PPP1R1C: variants seen among roughly 807,000 people sequenced by gnomAD.
The protein encoded by PPP1R1C is protein phosphatase 1 regulatory inhibitor subunit 1C.
PPP1R1C carries 15 observed loss-of-function variants against 17.4 expected under a neutral mutation model. That is an observed-to-expected ratio of 0.86 (90% CI 0.58 to 1.33). The LOEUF is 1.33. Among genes scored for constraint, PPP1R1C ranks in the 40% most tolerant of loss-of-function variants. The pLI is 0.00. For missense variants in PPP1R1C, 143 were observed against 130.0 expected, an observed-to-expected ratio of 1.10 and a Z score of -0.48; for synonymous variants, 35 against 43.1, an observed-to-expected ratio of 0.81 and a Z score of 0.73.
chr2:182,014,735 G>C (rs573143694), intron 2 of PPP1R1C, among the ~76,000 whole-genome samples: 2 of 151,812 alleles, frequency 1.3e-5, no homozygotes, highest in Non-Finnish European at 2.9e-5. Context: ...TTCTACTGTG[G>C]CTGAGCTAGC....
At chr2:182,092,255 C>T (rs571331704) in intron 4 of PPP1R1C, among the ~76,000 whole-genome samples, 3 of 152,258 alleles carry the variant, frequency 2.0e-5, no homozygotes, top group East Asian at 3.9e-4. Context: ...GAGAAACTCC[C>T]ATTTTTAAAA....
intron 5 of PPP1R1C, among the ~76,000 whole-genome samples, chr2:182,128,240 A>T (rs540996066): frequency 7.4e-4 from 113 of 152,226 alleles, no homozygotes; most frequent in African/African-American, 2.3e-3. Flanking sequence ...AAGTAATGAA[A>T]TCATTTCTGA....
At chr2:182,125,008 C>T (rs1323246645) in intron 5 of PPP1R1C, among the ~76,000 whole-genome samples, 1 of 152,038 alleles carries the variant, frequency 6.6e-6, no homozygotes, top group Non-Finnish European at 1.5e-5. Context: ...GAATTTTGCC[C>T]ATTCAGTATG....
At position 181,976,746 on chromosome 2, in the gene PPP1R1C, A is replaced by G. The variant is rs921238890; in HGVS notation, n.157+1482A>G. On this transcript the variant is annotated intron_variant and non_coding_transcript_variant, in intron 2 of 5. Transcript: ENST00000464264. This position sits in a 1 kb window ranked among gnomAD's most constrained non-coding sequence, Gnocchi z 4.8. ...TCTGGTTCATCTATAAAATAAATCT[A>G]AAAAGCTCCACTCCACTCTTGCTCT... 2.0e-5 allele frequency among the ~76,000 whole-genome samples: 3 copies of G among 152,134 alleles called. No homozygotes were observed. Among genetic ancestry groups the G allele is most frequent in the Admixed American group, 6.6e-5 (1 of 15,264 alleles).
At chr2:182,108,352 C>T (rs939511222) in intron 4 of PPP1R1C, among the ~76,000 whole-genome samples, 3 of 152,200 alleles carry the variant, frequency 2.0e-5, no homozygotes, top group Admixed American at 2.0e-4. Flanking sequence ...TTTTCAGACT[C>T]CTGGACAGTC....
At chr2:181,977,450 A>G (rs1299286977) in intron 2 of PPP1R1C, among the ~76,000 whole-genome samples, 1 of 151,708 alleles carries the variant, frequency 6.6e-6, no homozygotes, top group Non-Finnish European at 1.5e-5. Context: ...AGAATTCTAC[A>G]CTTTTTTCTT....
In PPP1R1C at chr2:181,961,674, C is replaced by T. The variant is rs1684796865; in HGVS notation, n.111+7040C>T. On this transcript the variant is annotated intron_variant and non_coding_transcript_variant, in intron 1 of 5. Transcript: ENST00000464264. This position sits in a 1 kb window ranked among gnomAD's most constrained non-coding sequence, Gnocchi z 5.8. ...TCTTCTCAATCTGCTGAGACCAGCACTTGTCCAGCTCCTCTCAGTTCTTTC... is the reference window on the plus strand; with the variant it reads ...TCTTCTCAATCTGCTGAGACCAGCATTTGTCCAGCTCCTCTCAGTTCTTTC... The T allele has an allele frequency of 1.3e-6, 1 of 763,522 alleles. No homozygotes were observed. The highest frequency in any genetic ancestry group is 2.4e-6 in the Non-Finnish European group (1 of 424,140). 47.3% of individuals were successfully genotyped at this position (763,522 alleles called of 1,614,324 possible). A position where few individuals can be genotyped will look rare whatever the true frequency, so the allele number is the denominator to read the frequency against.
At chr2:182,065,040 C>T (rs749549937) in intron 4 of PPP1R1C, among the ~76,000 whole-genome samples, 5 of 151,882 alleles carry the variant, frequency 3.3e-5, no homozygotes, top group South Asian at 4.2e-4. Context: ...TCTCAAGGGC[C>T]GATGATGTTC....
At position 182,117,682 on chromosome 2, in the gene PPP1R1C, T is replaced by C. The variant is rs943561503; in HGVS notation, c.*387T>C. On this transcript the variant is annotated 3_prime_UTR_variant, in exon 5 of 5. Coordinates refer to ENST00000682840, the MANE Select transcript of PPP1R1C (RefSeq NM_001080545.3). ...GAGTAAAAAATAAATAGTAAACACA[T>C]TTAGACATGAGTGTGTGTGTGTGTG... is the stretch of plus-strand genomic sequence containing the variant. 7 of 137,398 alleles carry C rather than the reference T, an allele frequency of 5.1e-5. No individual in the cohort carries two copies. Among genetic ancestry groups the C allele is most frequent in the Non-Finnish European group, 1.0e-4 (7 of 69,314 alleles). The allele number at this position is 137,398 out of a possible 1,614,324, so 8.5% of individuals were successfully genotyped here. A position where few individuals can be genotyped will look rare whatever the true frequency, so the allele number is the denominator to read the frequency against.
chr2:182,064,423 G>A lies in PPP1R1C; in HGVS notation c.241+632G>A, dbSNP rs1332768323. Among the ~76,000 whole-genome samples the A allele has an allele frequency of 2.0e-5, 3 of 152,144 alleles. No homozygotes were observed. In the East Asian group the frequency reaches 5.8e-4, roughly 29 times the overall value. On this transcript the variant is annotated intron_variant, in intron 4 of 4. Transcript: ENST00000682840. Reference sequence around the variant, plus strand: ...CACACTGAAATGTTCTTGATTTGAGGTAGAGTCTGTCCAGTCTACTCTCTC... The same window carrying A: ...CACACTGAAATGTTCTTGATTTGAGATAGAGTCTGTCCAGTCTACTCTCTC...
At chr2:182,088,739 G>A (rs1688700898) in intron 4 of PPP1R1C, among the ~76,000 whole-genome samples, 1 of 152,118 alleles carries the variant, frequency 6.6e-6, no homozygotes, top group African/African-American at 2.4e-5. Context: ...CTACTTCTTA[G>A]TAATGTGTTC....
intron 4 of PPP1R1C, among the ~76,000 whole-genome samples, chr2:182,070,119 G>A (rs925783225): frequency 3.3e-5 from 5 of 152,172 alleles, no homozygotes; most frequent in South Asian, 2.1e-4. Context: ...GAGGAGACTC[G>A]CCACAGGCTT....
chr2:182,106,006 C>A (rs1266692097), intron 4 of PPP1R1C, among the ~76,000 whole-genome samples: 5 of 152,156 alleles, frequency 3.3e-5, no homozygotes, highest in Non-Finnish European at 7.4e-5. Flanking sequence ...CTGTGTCATG[C>A]CTCTCTCCTA....
chr2:182,128,547 C>T (rs1023056417), intron 5 of PPP1R1C, among the ~76,000 whole-genome samples: 3 of 151,922 alleles, frequency 2.0e-5, no homozygotes, highest in South Asian at 2.1e-4. Flanking sequence ...AATATGGGCT[C>T]AGAAGAGAAA....
intron 2 of PPP1R1C, among the ~76,000 whole-genome samples, chr2:182,043,051 T>C (rs550232608): frequency 2.8e-4 from 42 of 152,202 alleles, no homozygotes; most frequent in African/African-American, 9.6e-4. Context: ...ACCAGAAAAA[T>C]TTTTAAAAAA....
At chr2:182,021,696 TGC>T (rs1263497572) in intron 2 of PPP1R1C, among the ~76,000 whole-genome samples, 11 of 152,212 alleles carry the variant, frequency 7.2e-5, no homozygotes, top group Non-Finnish European at 1.5e-4. Flanking sequence ...AATTTCTCTC[TGC>T]CTTTTAAAAA....
chr2:181,991,657 A>T (rs1402240761), intron 2 of PPP1R1C, among the ~76,000 whole-genome samples: 2 of 152,116 alleles, frequency 1.3e-5, no homozygotes, highest in Non-Finnish European at 2.9e-5. Flanking sequence ...AGTTCCCTAT[A>T]TTTCGTCTTT....
chr2:182,047,578 G>C (rs368401116), intron 2 of PPP1R1C, among the ~76,000 whole-genome samples: 1 of 152,098 alleles, frequency 6.6e-6, no homozygotes, highest in African/African-American at 2.4e-5. Flanking sequence ...TTTTTCTGGA[G>C]CAAATTGGCA....
chr2:182,111,440 T>C (rs1446849111), intron 4 of PPP1R1C, among the ~76,000 whole-genome samples: 2 of 152,166 alleles, frequency 1.3e-5, no homozygotes, highest in Non-Finnish European at 1.5e-5. Context: ...TGTCTACATA[T>C]AATTTACGTC....
Sources: allele counts gnomAD v4.1 joint callset (sites outside exome capture counted in the v4.1 genomes callset), GRCh38; gene constraint gnomAD v4.1.1; non-coding constraint Gnocchi (gnomAD v3.1); transcripts MANE v1.5; gene names NCBI Gene and HGNC (gene_info 2026-07-23, HGNC 2026-07-21).